The following WWOX variants were observed in gnomAD, a reference collection of about 807,000 sequenced individuals.
WWOX encodes the protein WW domain-containing oxidoreductase.
WWOX carries 69 observed loss-of-function variants against 46.2 expected under a neutral mutation model. The observed-to-expected ratio is 1.49, with a 90% confidence interval of 1.23 to 1.82. WWOX has a LOEUF of 1.82. WWOX is among the 40% of genes most tolerant of loss of function. The probability of loss-of-function intolerance (pLI) is 0.00; values close to 1 mark genes in which losing one functional copy is unlikely to be tolerated. For missense variants in WWOX, 919 were observed against 542.6 expected (o/e 1.69, Z -6.89); for synonymous variants, 359 against 202.6 (o/e 1.77, Z -6.56).
chr16:78,691,245 T>G, intron 8 of WWOX: 1 of 702,276 alleles, frequency 1.4e-6, no homozygotes. Context: ...ATTCCAGGTT[T>G]CAGACTGCCT....
chr16:79,033,125 A>G (rs986834862), intron 8 of WWOX, among the ~76,000 whole-genome samples: 7 of 148,794 alleles, frequency 4.7e-5, no homozygotes, highest in African/African-American at 1.7e-4. Flanking sequence ...GCTGCATAGT[A>G]TTCCACGGTG....
chr16:78,803,685 C>A (rs551960228), intron 8 of WWOX, among the ~76,000 whole-genome samples: 123 of 152,182 alleles, frequency 8.1e-4, no homozygotes, highest in Admixed American at 1.3e-3. Flanking sequence ...TCTCAAACTC[C>A]TAGGCTCAAG....
At position 78,926,327 on chromosome 16, in the gene WWOX, C is replaced by T. The variant is rs912930640; in HGVS notation, c.1057-285281C>T. 5.3e-5 allele frequency among the ~76,000 whole-genome samples: 8 copies of T among 150,792 alleles called. No homozygotes were observed. In the East Asian group the frequency reaches 7.9e-4, roughly 15 times the overall value. ...GGTGGAGATTGCAGTGAGCCATGCT[C>T]GTGCCATTGCATTTCAGCGTGGGTG... is the stretch of plus-strand genomic sequence containing the variant. On this transcript the variant is annotated intron_variant, in intron 8 of 8. Transcript: ENST00000566780.
At chr16:78,549,818 A>G (rs2044133303) in intron 8 of WWOX, among the ~76,000 whole-genome samples, 1 of 152,166 alleles carries the variant, frequency 6.6e-6, no homozygotes, top group South Asian at 2.1e-4. Context: ...CCTGTAACAA[A>G]CATTTGTATG....
chr16:78,790,978 C>G (rs867385482), intron 8 of WWOX, among the ~76,000 whole-genome samples: 12 of 127,770 alleles, frequency 9.4e-5, no homozygotes, highest in African/African-American at 3.7e-4. Flanking sequence ...AAGATTACAC[C>G]ATTGCACTCC....
chr16:78,589,580 G>A (rs887235324), intron 8 of WWOX, among the ~76,000 whole-genome samples: 3 of 152,214 alleles, frequency 2.0e-5, no homozygotes, highest in African/African-American at 7.2e-5. Context: ...TCCTTGCAAG[G>A]GCCCTTGGTT....
chr16:79,181,142 C>A (rs760812629), intron 8 of WWOX, among the ~76,000 whole-genome samples: 54 of 152,292 alleles, frequency 3.5e-4, no homozygotes, highest in African/African-American at 1.1e-3. Context: ...TGTGACCGTG[C>A]AAACATGCAG....
chr16:78,449,308 A>G (rs1424668032), intron 8 of WWOX, among the ~76,000 whole-genome samples: 2 of 152,200 alleles, frequency 1.3e-5, no homozygotes, highest in Admixed American at 6.6e-5. Context: ...CACGGAAGTG[A>G]CGTCTTACTG....
intron 8 of WWOX, among the ~76,000 whole-genome samples, chr16:79,088,916 G>A (rs1258428211): frequency 6.6e-6 from 1 of 152,084 alleles, no homozygotes; most frequent in African/African-American, 2.4e-5. Flanking sequence ...ACTTCCTATT[G>A]GAGTGTACTT....
intron 5 of WWOX, among the ~76,000 whole-genome samples, chr16:78,248,244 A>T (rs1318312850): frequency 6.6e-6 from 1 of 152,134 alleles, no homozygotes; most frequent in Non-Finnish European, 1.5e-5. Context: ...TGGAAGGCAA[A>T]GGGGAAGGAA....
rs137982224 is a variant in WWOX, at chr16:78,339,471, A to C, written c.517-47389A>C. On this transcript the variant is annotated intron_variant, in intron 5 of 8. Transcript: ENST00000566780. ...AGGAATACTTGGTGATGTTCTTTTT[A>C]AAACTGCCCTCACATTGTATCCTGG... 9.5e-4 allele frequency among the ~76,000 whole-genome samples: 113 copies of C among 118,788 alleles called. 26 individuals are homozygous for C. Among genetic ancestry groups the C allele is most frequent in the African/African-American group, 3.1e-3 (108 of 35,108 alleles). The allele number at this position is 118,788 out of a possible 152,430, so 77.9% of individuals were successfully genotyped here. A position where few individuals can be genotyped will look rare whatever the true frequency, so the allele number is the denominator to read the frequency against.
chr16:78,830,413 A>C (rs371305795), intron 8 of WWOX, among the ~76,000 whole-genome samples: 1 of 151,976 alleles, frequency 6.6e-6, no homozygotes, highest in African/African-American at 2.4e-5. Flanking sequence ...ACTGGTTTCT[A>C]TGGCTCTCCC....
intron 8 of WWOX, among the ~76,000 whole-genome samples, chr16:78,583,983 A>G (rs1045935132): frequency 6.6e-6 from 1 of 152,204 alleles, no homozygotes; most frequent in Non-Finnish European, 1.5e-5. Context: ...AAGAAGGAAA[A>G]TGCTGTTGCA....
intron 8 of WWOX, among the ~76,000 whole-genome samples, chr16:79,028,387 C>T (rs920498191): frequency 4.6e-5 from 7 of 151,852 alleles, no homozygotes; most frequent in Admixed American, 3.9e-4. Flanking sequence ...AGACATTCTA[C>T]CTATGTTTTC....
chr16:78,961,589 G>C (rs1009973572), intron 8 of WWOX, among the ~76,000 whole-genome samples: 2 of 151,886 alleles, frequency 1.3e-5, no homozygotes, highest in African/African-American at 4.8e-5. Flanking sequence ...GGTGAGTAAG[G>C]GGGGATAAAT....
intron 8 of WWOX, among the ~76,000 whole-genome samples, chr16:78,713,129 G>T (rs144405115): frequency 1.3e-5 from 2 of 151,736 alleles, no homozygotes; most frequent in Non-Finnish European, 2.9e-5. Flanking sequence ...AAACTTAGCT[G>T]GGCATGGTGG....
At chr16:78,702,010 TATATATATATATATATATATATATA>T (rs2048228819) in intron 8 of WWOX, among the ~76,000 whole-genome samples, 3 of 39,112 alleles carry the variant, frequency 7.7e-5, no homozygotes, top group African/African-American at 3.6e-4. Flanking sequence ...CATAAAATTA[TATATATATATATATATATATATATA>T]TATATATATA....
chr16:78,574,147 A>G (rs1406975454), intron 8 of WWOX, among the ~76,000 whole-genome samples: 1 of 152,172 alleles, frequency 6.6e-6, no homozygotes, highest in African/African-American at 2.4e-5. Flanking sequence ...GTTCCTGAAT[A>G]TCTGGGCTTT....
At chr16:78,743,692 CGTTTGCATAGGAGCT>C (rs2049283343) in intron 8 of WWOX, among the ~76,000 whole-genome samples, 1 of 152,086 alleles carries the variant, frequency 6.6e-6, no homozygotes, top group Non-Finnish European at 1.5e-5. Flanking sequence ...ACCATTCAGC[CGTTTGCATAGGAGCT>C]GTAACTTTGT....
Sources: allele counts gnomAD v4.1 joint callset (sites outside exome capture counted in the v4.1 genomes callset), GRCh38; gene constraint gnomAD v4.1.1; transcripts MANE v1.5; gene names NCBI Gene and HGNC (gene_info 2026-07-23, HGNC 2026-07-21).